Variants in NSD2 observed in about 807,000 individuals in gnomAD.
NSD2 encodes nuclear receptor binding SET domain protein 2, also known as histone-lysine N-methyltransferase NSD2.
A neutral mutation model predicts 139.0 loss-of-function variants in NSD2; 12 were observed. That is an observed-to-expected ratio of 0.09 (90% CI 0.06 to 0.14). The LOEUF (loss-of-function observed/expected upper bound fraction) is 0.14, where lower values mean the gene tolerates loss of function less well. NSD2 is among the 10% of genes least tolerant of loss of function. NSD2 has a pLI of 1.00. For synonymous variants in NSD2, 669 were observed against 648.7 expected (o/e 1.03, Z -0.48); for missense variants, 1,155 against 1,745.0 (o/e 0.66, Z 6.02).
At chr4:1,911,795 C>T (rs1049202888) in intron 3 of NSD2, among the ~76,000 whole-genome samples, 8 of 151,880 alleles carry the variant, frequency 5.3e-5, no homozygotes, top group African/African-American at 1.7e-4. Flanking sequence ...TTATGTTATC[C>T]GGTTTCTAGA....
intron 5 of NSD2, among the ~76,000 whole-genome samples, chr4:1,928,756 G>A (rs929678098): frequency 2.0e-5 from 3 of 151,300 alleles, no homozygotes; most frequent in Non-Finnish European, 3.0e-5. Flanking sequence ...AGGTGGGTGG[G>A]AGGGCAGCAG....
At chr4:1,975,269 TG>T in intron 19 of NSD2, 24 bp from the exon 20 acceptor site, 1 of 1,608,358 alleles carries the variant, frequency 6.2e-7, no homozygotes, top group South Asian at 1.1e-5. Flanking sequence ...GTTTCCAATT[TG>T]GTGTCTGTCT....
chr4:1,942,451 C>T lies in NSD2; in HGVS notation c.1881+2673C>T. The stretch of plus-strand genomic sequence containing the variant: ...GCTGCAGGTGGCGTATCATCGTACA[C>T]ACTCAGTGACATTTCTATCACAATC... On this transcript the variant is annotated intron_variant, in intron 9 of 21. Transcript: ENST00000508803. The surrounding 1 kb of genome is among the most constrained non-coding windows in gnomAD (Gnocchi z 4.0). 1 of 1,566,664 alleles carries T rather than the reference C, an allele frequency of 6.4e-7. No homozygotes were observed.
intron 11 of NSD2, 37 bp downstream of exon 11, chr4:1,952,268 C>G (rs368774033): frequency 6.2e-7 from 1 of 1,609,642 alleles, no homozygotes; most frequent in South Asian, 1.1e-5. Flanking sequence ...GCAGCCTGGC[C>G]GGCCACCTGC....
intron 1 of NSD2, among the ~76,000 whole-genome samples, chr4:1,886,591 G>C (rs1013613542): frequency 6.6e-6 from 1 of 152,088 alleles, no homozygotes; most frequent in Non-Finnish European, 1.5e-5. Flanking sequence ...CAGCACTTTG[G>C]GAGGCCGAGG....
chr4:1,897,813 G>C (rs1264464091), intron 1 of NSD2, among the ~76,000 whole-genome samples: 1 of 152,064 alleles, frequency 6.6e-6, no homozygotes, highest in East Asian at 1.9e-4. Flanking sequence ...TTTTAGTAGA[G>C]TTGTGGTTTC....
chr4:1,880,917 ATTATAT>A (rs1431727603), intron 1 of NSD2, among the ~76,000 whole-genome samples: 2 of 152,218 alleles, frequency 1.3e-5, no homozygotes, highest in African/African-American at 4.8e-5. Context: ...TGGAACACTG[ATTATAT>A]TTATTATTGA....
chr4:1,958,141 C>T lies in NSD2; in HGVS notation c.2985+105C>T. ...CTATGGCTGGGGAGAGGACTGTCACCAGCCAGGATCTGTGGTGCCTGGCAT... is the reference window on the plus strand; with the variant it reads ...CTATGGCTGGGGAGAGGACTGTCACTAGCCAGGATCTGTGGTGCCTGGCAT... On this transcript the variant is annotated intron_variant, in intron 16 of 21. Transcript: ENST00000508803. This position sits in a 1 kb window ranked among gnomAD's most constrained non-coding sequence, Gnocchi z 4.6. The T allele has an allele frequency of 1.7e-6, 2 of 1,150,466 alleles. No homozygotes were observed. Among genetic ancestry groups the T allele is most frequent in the Non-Finnish European group, 2.5e-6 (2 of 796,642 alleles). 71.3% of individuals were successfully genotyped at this position (1,150,466 alleles called of 1,614,324 possible).
At chr4:1,944,088 G>A in intron 9 of NSD2, 4 of 1,066,358 alleles carry the variant, frequency 3.8e-6, no homozygotes, top group Non-Finnish European at 4.5e-6. Context: ...CTCAGCGGGG[G>A]GTGGGGTGAC....
At chr4:1,893,225 T>C (rs1715758980) in intron 1 of NSD2, among the ~76,000 whole-genome samples, 1 of 152,174 alleles carries the variant, frequency 6.6e-6, no homozygotes, top group South Asian at 2.1e-4. Context: ...CCCAGCACTT[T>C]GGGAGTCCGA....
At chr4:1,883,096 A>G (rs1261316860) in intron 1 of NSD2, among the ~76,000 whole-genome samples, 1 of 152,008 alleles carries the variant, frequency 6.6e-6, no homozygotes, top group Non-Finnish European at 1.5e-5. Flanking sequence ...ATAAGGAGAG[A>G]TGAGGGGAAG....
rs1029818644 is a variant in NSD2, at chr4:1,958,598, C to T, written c.2985+562C>T. 7.2e-5 allele frequency among the ~76,000 whole-genome samples: 11 copies of T among 152,238 alleles called. No individual in the cohort carries two copies. The highest frequency in any genetic ancestry group is 5.8e-4 in the East Asian group (3 of 5,176). On this transcript the variant is annotated intron_variant, in intron 16 of 21. Coordinates refer to ENST00000508803, the MANE Select transcript of NSD2 (RefSeq NM_001042424.3). This position sits in a 1 kb window ranked among gnomAD's most constrained non-coding sequence, Gnocchi z 4.6. ...CGGCAAGCCGCATCCCCAGGAGCCTCGTGGCCGTTCCTGACGAGTGTTTGT... is the reference window on the plus strand; with the variant it reads ...CGGCAAGCCGCATCCCCAGGAGCCTTGTGGCCGTTCCTGACGAGTGTTTGT...
intron 11 of NSD2, 105 bp downstream of exon 11, chr4:1,952,336 T>C (rs2108946439): frequency 6.6e-7 from 1 of 1,510,324 alleles, no homozygotes; most frequent in East Asian, 2.3e-5. Context: ...ACAAGCCCCC[T>C]CCCCACCCCC....
At chr4:1,929,144 TC>T (rs987039066) in intron 5 of NSD2, among the ~76,000 whole-genome samples, 4 of 151,806 alleles carry the variant, frequency 2.6e-5, no homozygotes, top group African/African-American at 9.7e-5. Flanking sequence ...GGTGTTGGTG[TC>T]CAGGCCAGGG....
At chr4:1,913,990 G>A (rs2108790456) in intron 3 of NSD2, among the ~76,000 whole-genome samples, 1 of 152,216 alleles carries the variant, frequency 6.6e-6, no homozygotes, top group South Asian at 2.1e-4. Context: ...AGTTTGTATG[G>A]GAAGTAAATT....
intron 1 of NSD2, among the ~76,000 whole-genome samples, chr4:1,872,587 TGTGTGAGAGA>T (rs1160392063): frequency 0.023 from 1,141 of 50,054 alleles, 17 homozygotes; most frequent in African/African-American, 0.064. Context: ...TGTGTGTGTG[TGTGTGAGAGA>T]GAGAGAGAGA....
chr4:1,944,964 A>G, intron 9 of NSD2: 4 of 1,064,318 alleles, frequency 3.8e-6, no homozygotes, highest in Non-Finnish European at 4.6e-6. Flanking sequence ...CCAATAGGAA[A>G]CTTAAGCGAG....
intron 5 of NSD2, 192 bp downstream of exon 5, chr4:1,918,815 C>T (rs1311723128): frequency 1.3e-5 from 10 of 751,134 alleles, no homozygotes; most frequent in African/African-American, 3.5e-5. Flanking sequence ...GACTTGCACT[C>T]TGGGGTCTTA....
intron 3 of NSD2, among the ~76,000 whole-genome samples, chr4:1,907,353 C>A (rs1229134888): frequency 6.6e-6 from 1 of 152,124 alleles, no homozygotes; most frequent in African/African-American, 2.4e-5. Flanking sequence ...AACCCTGCAG[C>A]CACCTAGTGT....
Sources: allele counts gnomAD v4.1 joint callset (sites outside exome capture counted in the v4.1 genomes callset), GRCh38; gene constraint gnomAD v4.1.1; non-coding constraint Gnocchi (gnomAD v3.1); transcripts MANE v1.5; gene names NCBI Gene and HGNC (gene_info 2026-07-23, HGNC 2026-07-21).